Variants in DCP2 observed in about 807,000 individuals in gnomAD.
DCP2 encodes the protein decapping mRNA 2.
Under a neutral mutation model 56.1 loss-of-function variants are expected in DCP2, and 30 were observed. The observed-to-expected ratio is 0.53, with a 90% CI of 0.40 to 0.73. DCP2 has a LOEUF of 0.73. Ranked by LOEUF, DCP2 falls within the 30% of genes least tolerant of loss-of-function variation. The pLI, the probability that DCP2 is intolerant of heterozygous loss-of-function variation, is 0.00. For missense variants in DCP2, 533 were observed against 502.7 expected (o/e 1.06, Z -0.58); for synonymous variants, 197 against 163.3 (o/e 1.21, Z -1.57).
Position 113,020,612 on chromosome 5 carries a change from G to A in DCP2, c.*7128G>A, listed in dbSNP as rs938763848. ...GTTAACGAAAGGATAAAGACTACCT[G>A]TATTGTTGGGTATGACTATCAAAGG... On this transcript the variant is annotated 3_prime_UTR_variant, in exon 11 of 11. Coordinates refer to ENST00000389063, the MANE Select transcript of DCP2 (RefSeq NM_152624.6). 3 of 152,138 alleles carry A rather than the reference G, an allele frequency of 2.0e-5. No individual in the cohort carries two copies. The highest frequency in any genetic ancestry group is 4.4e-5 in the Non-Finnish European group (3 of 68,012). 9.4% of individuals were successfully genotyped at this position (152,138 alleles called of 1,614,324 possible). A position where few individuals can be genotyped will look rare whatever the true frequency, so the allele number is the denominator to read the frequency against.
chr5:112,982,677 C>T (rs1368854093), intron 1 of DCP2, among the ~76,000 whole-genome samples: 2 of 146,292 alleles, frequency 1.4e-5, no homozygotes, highest in African/African-American at 5.6e-5. Flanking sequence ...AGGGCTCTTA[C>T]TTAGTTACTG....
intron 2 of DCP2, among the ~76,000 whole-genome samples, chr5:112,987,952 A>T (rs1748378107): frequency 6.6e-6 from 1 of 152,114 alleles, no homozygotes; most frequent in African/African-American, 2.4e-5. Context: ...CATGACGTGT[A>T]TGTTTAATGG....
chr5:112,992,880 T>C, intron 4 of DCP2, 110 bp downstream of exon 4: 1 of 615,662 alleles, frequency 1.6e-6, no homozygotes, highest in Non-Finnish European at 2.5e-6. Flanking sequence ...TTTCCAGAAC[T>C]TGAGTGCATG....
At chr5:113,005,908 G>C (rs965632749) in intron 8 of DCP2, among the ~76,000 whole-genome samples, 4 of 152,044 alleles carry the variant, frequency 2.6e-5, no homozygotes, top group Non-Finnish European at 5.9e-5. Flanking sequence ...TGAGGCAGGC[G>C]GATTATTTGA....
Position 113,010,760 on chromosome 5 carries a change from G to A in DCP2, c.1052G>A (p.Cys351Tyr), listed in dbSNP as rs1277529851. 2.5e-6 allele frequency: 4 copies of A among 1,579,622 alleles called. No individual in the cohort carries two copies. In the African/African-American group the frequency reaches 4.2e-5, roughly 16 times the overall value. Residue 351 changes from cysteine (C) to tyrosine (Y), a missense_variant, in exon 10 of 11, where the codon TGT becomes TAT. Transcript: ENST00000389063. ...GTTTTTTTTTTTTTTAAATAGAAGTGTGAAAAGAAACTTCATCCACGGAAA... is the reference window on the plus strand; with the variant it reads ...GTTTTTTTTTTTTTTAAATAGAAGTATGAAAAGAAACTTCATCCACGGAAA... ...PAKQQNSLMK[C>Y]EKKLHPRKLQ...
chr5:113,019,564 T>C lies in DCP2; in HGVS notation c.*6080T>C, dbSNP rs1404141686. The C allele has an allele frequency of 3.9e-5, 6 of 152,194 alleles. No individual in the cohort carries two copies. Among genetic ancestry groups the C allele is most frequent in the African/African-American group, 1.4e-4 (6 of 41,452 alleles). The allele number at this position is 152,194 out of a possible 1,614,324, so 9.4% of individuals were successfully genotyped here. ...AAAGTTCTTTGGTCATATTTCACTT[T>C]AGAGTTAGGACAGGAGACAGCTAAC... On this transcript the variant is annotated 3_prime_UTR_variant, in exon 11 of 11. Coordinates refer to ENST00000389063, the MANE Select transcript of DCP2 (RefSeq NM_152624.6).
At position 113,018,972 on chromosome 5, in the gene DCP2, T is replaced by G. The variant is rs1750001581; in HGVS notation, c.*5488T>G. On this transcript the variant is annotated 3_prime_UTR_variant, in exon 11 of 11. Coordinates refer to ENST00000389063, the MANE Select transcript of DCP2 (RefSeq NM_152624.6). ...AAGGCTTATAGCTTTCACATTGGCT[T>G]GGGAACAACAGACTTGTGTGTGGTT... 1 of 152,226 alleles carries G rather than the reference T, an allele frequency of 6.6e-6. No homozygotes were observed. Among genetic ancestry groups the G allele is most frequent in the Non-Finnish European group, 1.5e-5 (1 of 68,050 alleles). 9.4% of individuals were successfully genotyped at this position (152,226 alleles called of 1,614,324 possible). A position where few individuals can be genotyped will look rare whatever the true frequency, so the allele number is the denominator to read the frequency against.
intron 1 of DCP2, among the ~76,000 whole-genome samples, chr5:112,979,398 T>G (rs951939833): frequency 3.9e-5 from 6 of 152,182 alleles, no homozygotes; most frequent in Non-Finnish European, 7.4e-5. Context: ...CTAAAACTTT[T>G]TTTTTACACT....
intron 7 of DCP2, among the ~76,000 whole-genome samples, chr5:113,003,039 C>T (rs1749250732): frequency 6.6e-6 from 1 of 152,148 alleles, no homozygotes; most frequent in Admixed American, 6.5e-5. Flanking sequence ...GAGTAAACCA[C>T]CTCTATAGTA....
chr5:112,982,744 T>C (rs1028545922), intron 1 of DCP2, among the ~76,000 whole-genome samples: 1 of 152,246 alleles, frequency 6.6e-6, no homozygotes, highest in African/African-American at 2.4e-5. Context: ...TAAATTTCTT[T>C]TAGGATAATA....
rs1471553367 is a variant in DCP2 at position 113,019,841 on chromosome 5, A to G, written c.*6357A>G. On this transcript the variant is annotated 3_prime_UTR_variant, in exon 11 of 11. Coordinates refer to ENST00000389063, the MANE Select transcript of DCP2 (RefSeq NM_152624.6). ...TAAAAATTTAAAACCATCTCATTTCAGAATAAAATAAACGGAATTACAGTT... is the reference window on the plus strand; with the variant it reads ...TAAAAATTTAAAACCATCTCATTTCGGAATAAAATAAACGGAATTACAGTT... 6.6e-6 allele frequency: 1 copy of G among 152,256 alleles called. No homozygotes were observed. Among genetic ancestry groups the G allele is most frequent in the African/African-American group, 2.4e-5 (1 of 41,472 alleles). The allele number at this position is 152,256 out of a possible 1,614,324, so 9.4% of individuals were successfully genotyped here. A position where few individuals can be genotyped will look rare whatever the true frequency, so the allele number is the denominator to read the frequency against.
chr5:112,988,361 G>A (rs778868629), intron 2 of DCP2, among the ~76,000 whole-genome samples: 2 of 151,286 alleles, frequency 1.3e-5, no homozygotes, highest in African/African-American at 4.9e-5. Context: ...GCGTGGTGGC[G>A]GGCGCTTGTA....
intron 9 of DCP2, among the ~76,000 whole-genome samples, chr5:113,009,110 G>A (rs1375469133): frequency 6.6e-6 from 1 of 152,192 alleles, no homozygotes; most frequent in Non-Finnish European, 1.5e-5. Flanking sequence ...CTCCCAAAGT[G>A]CTGGGATTAC....
chr5:112,985,204 C>A (rs115379968), intron 1 of DCP2, among the ~76,000 whole-genome samples: 2 of 151,890 alleles, frequency 1.3e-5, no homozygotes, highest in African/African-American at 4.8e-5. Flanking sequence ...GGTTCATTAT[C>A]CTAATTACAT....
intron 4 of DCP2, among the ~76,000 whole-genome samples, chr5:112,995,397 A>C (rs1748801465): frequency 6.6e-6 from 1 of 152,210 alleles, no homozygotes; most frequent in Non-Finnish European, 1.5e-5. Flanking sequence ...GGAAGGAGAA[A>C]ATAGAAATCA....
chr5:112,993,070 A>G (rs1403085758), intron 4 of DCP2, among the ~76,000 whole-genome samples: 3 of 151,890 alleles, frequency 2.0e-5, no homozygotes, highest in African/African-American at 7.3e-5. Context: ...TTGGTAAAAC[A>G]TTTTGGCTGT....
At chr5:112,984,126 G>A (rs944657409) in intron 1 of DCP2, 7 of 152,192 alleles carry the variant, frequency 4.6e-5, no homozygotes, top group African/African-American at 1.7e-4. Flanking sequence ...TGTACCAGGT[G>A]TAGAGGACAG....
chr5:113,012,443 G>T (rs1749714938), intron 10 of DCP2, among the ~76,000 whole-genome samples: 1 of 152,138 alleles, frequency 6.6e-6, no homozygotes, highest in Non-Finnish European at 1.5e-5. Flanking sequence ...GTCTTGAGAA[G>T]TGTGAAAGGA....
At chr5:113,001,730 A>T in intron 7 of DCP2, 56 bp downstream of exon 7, 1 of 1,512,616 alleles carries the variant, frequency 6.6e-7, no homozygotes, top group Non-Finnish European at 9.2e-7. Context: ...AAAGTGGAAT[A>T]ATAGTATTTT....
Sources: allele counts gnomAD v4.1 joint callset (sites outside exome capture counted in the v4.1 genomes callset), GRCh38; gene constraint gnomAD v4.1.1; transcripts MANE v1.5; gene names NCBI Gene and HGNC (gene_info 2026-07-23, HGNC 2026-07-21).